Variants in DIP2C observed in about 807,000 individuals in gnomAD.
DIP2C encodes DIP2 acetate--CoA ligase C (putative).
DIP2C carries 33 observed loss-of-function variants against 192.4 expected under a neutral mutation model. The ratio of observed to expected loss-of-function variants is 0.17; its 90% CI spans 0.13 to 0.23. The LOEUF is 0.23. Among genes scored for constraint, DIP2C ranks in the 10% least tolerant of loss-of-function variants. The pLI, the probability that DIP2C is intolerant of heterozygous loss-of-function variation, is 1.00. For missense variants in DIP2C, 1,537 were observed against 2,110.1 expected (o/e 0.73, Z 5.32); for synonymous variants, 979 against 864.1 (o/e 1.13, Z -2.33).
At chr10:423,062 A>AT in intron 4 of DIP2C, 29 bp from the exon 5 acceptor site, 2 of 1,557,532 alleles carry the variant, frequency 1.3e-6, no homozygotes, top group Non-Finnish European at 1.7e-6. Context: ...GATTTGCTGT[A>AT]TGTTGCAGCA....
rs143426327 is a variant in DIP2C, at chr10:600,291, C to A, written c.85+89203G>T. On this transcript the variant is annotated intron_variant, in intron 1 of 36. Coordinates refer to ENST00000280886, the MANE Select transcript of DIP2C (RefSeq NM_014974.3). ...CTGCCTTGCCCAGCTCATGTCAGGG[C>A]AGATGGTGACACAGCCTCAGCACAA... Among the ~76,000 whole-genome samples, 270 of 152,294 alleles carry A rather than the reference C, an allele frequency of 1.8e-3. 1 individual carries two copies. The highest frequency in any genetic ancestry group is 5.7e-3 in the African/African-American group (236 of 41,560).
At chr10:325,605 T>C (rs1957239050) in intron 31 of DIP2C, among the ~76,000 whole-genome samples, 1 of 152,238 alleles carries the variant, frequency 6.6e-6, no homozygotes. Context: ...GAAGCAGACT[T>C]CTGCATTTCC....
intron 1 of DIP2C, among the ~76,000 whole-genome samples, chr10:497,163 T>TA (rs1844895552): frequency 6.6e-6 from 1 of 152,166 alleles, no homozygotes; most frequent in Admixed American, 6.5e-5. Context: ...TTACTCACAA[T>TA]ACCCCAAACA....
At chr10:573,359 A>G (rs1849938797) in intron 1 of DIP2C, among the ~76,000 whole-genome samples, 2 of 152,258 alleles carry the variant, frequency 1.3e-5, no homozygotes, top group Non-Finnish European at 2.9e-5. Flanking sequence ...AACTGGATTT[A>G]TTCTACTCTA....
intron 2 of DIP2C, among the ~76,000 whole-genome samples, chr10:476,134 AG>A (rs1199174020): frequency 6.6e-6 from 1 of 152,146 alleles, no homozygotes; most frequent in Admixed American, 6.5e-5. Flanking sequence ...CCTGGGAAGG[AG>A]GTATCCCCAG....
chr10:382,516 C>T (rs1477702142), intron 17 of DIP2C, 131 bp downstream of exon 17: 6 of 654,730 alleles, frequency 9.2e-6, no homozygotes, highest in South Asian at 1.9e-5. Flanking sequence ...CAGAAATAAA[C>T]TCATCTTGAA....
chr10:593,867 G>T (rs1385340062), intron 1 of DIP2C, among the ~76,000 whole-genome samples: 2 of 152,174 alleles, frequency 1.3e-5, no homozygotes, highest in African/African-American at 4.8e-5. Flanking sequence ...GCAGGTAAAG[G>T]GGACTCGAAT....
At chr10:503,089 C>CA (rs1254672527) in intron 1 of DIP2C, among the ~76,000 whole-genome samples, 5 of 152,054 alleles carry the variant, frequency 3.3e-5, no homozygotes, top group Admixed American at 2.0e-4. Flanking sequence ...CGCCTACCTG[C>CA]AGACTTACCA....
chr10:405,852 CAGGCGAA>C (rs1376278311), intron 9 of DIP2C, among the ~76,000 whole-genome samples: 1 of 152,218 alleles, frequency 6.6e-6, no homozygotes, highest in Non-Finnish European at 1.5e-5. Context: ...CCCTGCTGTC[CAGGCGAA>C]AGGCTTCAGC....
At chr10:568,742 G>A (rs984683680) in intron 1 of DIP2C, among the ~76,000 whole-genome samples, 1 of 120,422 alleles carries the variant, frequency 8.3e-6, no homozygotes, top group African/African-American at 3.1e-5. Flanking sequence ...CTCCAGCCTG[G>A]GCGACAGAGG....
chr10:433,717 A>G (rs950843881), intron 4 of DIP2C, among the ~76,000 whole-genome samples: 4 of 152,160 alleles, frequency 2.6e-5, no homozygotes, highest in South Asian at 2.1e-4. Context: ...GTTAACATTT[A>G]TATCTTTTTC....
intron 1 of DIP2C, among the ~76,000 whole-genome samples, chr10:550,006 CTTTTTT>C (rs11461177): frequency 3.4e-4 from 46 of 134,768 alleles, no homozygotes; most frequent in Non-Finnish European, 6.0e-4. Flanking sequence ...GGACGTGTAG[CTTTTTT>C]TTTTTTTTTT....
intron 2 of DIP2C, among the ~76,000 whole-genome samples, chr10:485,662 G>A (rs1379330687): frequency 6.6e-6 from 1 of 152,220 alleles, no homozygotes; most frequent in Non-Finnish European, 1.5e-5. Context: ...GTGCAGGTGT[G>A]GACATGTGCA....
chr10:295,492 C>T (rs1325199266), intron 32 of DIP2C, among the ~76,000 whole-genome samples: 2 of 137,694 alleles, frequency 1.5e-5, no homozygotes, highest in Admixed American at 8.0e-5. Context: ...ACCCGGGAGG[C>T]GGAGCTTGCA....
chr10:674,818 A>AGG (rs1326321783), intron 1 of DIP2C, among the ~76,000 whole-genome samples: 9 of 146,848 alleles, frequency 6.1e-5, no homozygotes, highest in African/African-American at 7.6e-5. Flanking sequence ...AGAGAGAGAG[A>AGG]GAGAGAGAGA....
chr10:282,444 T>C (rs1954879917), intron 35 of DIP2C, among the ~76,000 whole-genome samples: 1 of 152,188 alleles, frequency 6.6e-6, no homozygotes, highest in Non-Finnish European at 1.5e-5. Context: ...ATTGTAGGTA[T>C]GTTAGAGAGG....
In DIP2C at chr10:652,599, A is replaced by C. The variant is rs77701912; in HGVS notation, c.85+36895T>G. On this transcript the variant is annotated intron_variant, in intron 1 of 36. Transcript: ENST00000280886. The surrounding 1 kb of genome is among the most constrained non-coding windows in gnomAD (Gnocchi z 4.5). ...ACCCATGGCCAGGCCAAGCTGCGCC[A>C]ATCACTCAAGCTTCACTTTGATCAC... The C allele has an allele frequency of 0.011, 1,744 of 153,172 alleles. 28 individuals carry two copies. Among genetic ancestry groups the C allele is most frequent in the African/African-American group, 0.04 (1,654 of 41,548 alleles). The allele number at this position is 153,172 out of a possible 1,614,324, so 9.5% of individuals were successfully genotyped here. A position where few individuals can be genotyped will look rare whatever the true frequency, so the allele number is the denominator to read the frequency against.
At chr10:641,647 A>C (rs1243576300) in intron 1 of DIP2C, 1 of 154,186 alleles carries the variant, frequency 6.5e-6, no homozygotes, top group Non-Finnish European at 1.5e-5. Flanking sequence ...GAGGAAAGCT[A>C]AGTAAAGTCA....
chr10:421,535 G>C (rs1326414523), intron 5 of DIP2C, among the ~76,000 whole-genome samples: 1 of 152,086 alleles, frequency 6.6e-6, no homozygotes, highest in Non-Finnish European at 1.5e-5. Context: ...AAAAATAACA[G>C]TCACACATTC....
Sources: allele counts gnomAD v4.1 joint callset (sites outside exome capture counted in the v4.1 genomes callset), GRCh38; gene constraint gnomAD v4.1.1; non-coding constraint Gnocchi (gnomAD v3.1); transcripts MANE v1.5; gene names NCBI Gene and HGNC (gene_info 2026-07-23, HGNC 2026-07-21).